The following SYCP2L variants were observed in gnomAD, a reference collection of about 807,000 sequenced individuals.
The protein encoded by SYCP2L is synaptonemal complex protein 2 like.
In SYCP2L, 98 loss-of-function variants were observed where a neutral mutation model predicts 125.8. The ratio of observed to expected loss-of-function variants is 0.78; its 90% CI spans 0.66 to 0.92. SYCP2L has a LOEUF of 0.92. SYCP2L is among the 40% of genes least tolerant of loss of function. The pLI is 0.00. For synonymous variants in SYCP2L, 317 were observed against 325.4 expected (o/e 0.97, Z 0.28); for missense variants, 842 against 936.4 (o/e 0.90, Z 1.32).
At chr6:10,955,961 T>A (rs1316896338) in intron 24 of SYCP2L, among the ~76,000 whole-genome samples, 175 bp from the exon 25 acceptor site, 1 of 152,148 alleles carries the variant, frequency 6.6e-6, no homozygotes, top group Non-Finnish European at 1.5e-5. Flanking sequence ...GCTGGGAAGA[T>A]ATAGAAGAAA....
chr6:10,896,204 G>A (rs936233461), intron 4 of SYCP2L, among the ~76,000 whole-genome samples: 6 of 152,134 alleles, frequency 3.9e-5, no homozygotes, highest in Non-Finnish European at 8.8e-5. Flanking sequence ...TAAAATCCAG[G>A]AGGATTAAGC....
rs138759710 is a variant in SYCP2L at position 10,956,181 on chromosome 6, A to G, written c.2102A>G (p.Asn701Ser). The change falls in exon 25 of 30, where the codon AAC becomes AGC. Residue 701 changes from asparagine (N) to serine (S), a missense_variant. By Grantham distance (46) the Asn-to-Ser change is conservative. Transcript: ENST00000283141. Reference protein sequence around the residue: ...SSLEVVPENLNGSAILPTFEN... With the variant: ...SSLEVVPENLSGSAILPTFEN... ...CTAGAAGTTGTGCCAGAGAACTTGAACGGTTCTGCCATTCTCCCAACCTTT... is the reference window on the plus strand; with the variant it reads ...CTAGAAGTTGTGCCAGAGAACTTGAGCGGTTCTGCCATTCTCCCAACCTTT... 2.8e-3 allele frequency: 4,597 copies of G among 1,613,992 alleles called. 14 individuals carry two copies. Among genetic ancestry groups the G allele is most frequent in the Non-Finnish European group, 3.4e-3 (3,983 of 1,179,970 alleles).
intron 25 of SYCP2L, among the ~76,000 whole-genome samples, chr6:10,957,875 G>A (rs1192134856): frequency 1.3e-5 from 2 of 152,134 alleles, no homozygotes; most frequent in African/African-American, 4.8e-5. Flanking sequence ...TGGGTTGGTG[G>A]CCGGCTGAGT....
intron 16 of SYCP2L, among the ~76,000 whole-genome samples, chr6:10,927,024 G>C (rs557016311): frequency 1.8e-4 from 28 of 152,032 alleles, no homozygotes; most frequent in Admixed American, 2.6e-4. Context: ...CAAGTGATCT[G>C]CCCATTTTGG....
chr6:10,931,038 G>A (rs1213109128), intron 19 of SYCP2L, among the ~76,000 whole-genome samples: 1 of 152,232 alleles, frequency 6.6e-6, no homozygotes, highest in African/African-American at 2.4e-5. Flanking sequence ...GGGCATGGTG[G>A]TGTGCGCCTG....
At position 10,963,803 on chromosome 6, in the gene SYCP2L, A is replaced by T. The variant is rs1382415213; in HGVS notation, c.2436A>T (p.Ser812=). 9 of 1,613,966 alleles carry T rather than the reference A, an allele frequency of 5.6e-6. No homozygotes were observed. The highest frequency in any genetic ancestry group is 6.8e-6 in the Non-Finnish European group (8 of 1,179,862). Residue 812 remains serine, a synonymous_variant, in exon 29 of 30, where the codon TCA becomes TCT. Coordinates refer to ENST00000283141, the MANE Select transcript of SYCP2L (RefSeq NM_001040274.3). The part of the protein sequence containing the change: ...QVLRFNSTQT[S] Reference sequence around the variant, plus strand: ...CCAGGTTCAATTCAACTCAGACTTCATAAGAAAGCCAAAGCCTGGTTTTAT... The same window carrying T: ...CCAGGTTCAATTCAACTCAGACTTCTTAAGAAAGCCAAAGCCTGGTTTTAT...
chr6:10,895,777 C>T (rs9379911), intron 4 of SYCP2L, among the ~76,000 whole-genome samples: 37,633 of 151,898 alleles, frequency 0.25, 5,011 homozygotes, highest in African/African-American at 0.34. Flanking sequence ...CGTGAGCTCC[C>T]GCGCCTGGCC....
intron 14 of SYCP2L, among the ~76,000 whole-genome samples, chr6:10,920,278 C>T (rs541151878): frequency 3.1e-4 from 47 of 152,210 alleles, no homozygotes; most frequent in African/African-American, 9.9e-4. Flanking sequence ...AGTGCAGTGG[C>T]GTGATCTTGG....
At chr6:10,928,712 A>G (rs1780940326) in intron 18 of SYCP2L, among the ~76,000 whole-genome samples, 2 of 152,048 alleles carry the variant, frequency 1.3e-5, no homozygotes, top group Admixed American at 1.3e-4. Flanking sequence ...TTATTTTAAA[A>G]TTTTTTATAG....
intron 5 of SYCP2L, 95 bp downstream of exon 5, chr6:10,898,210 A>G: frequency 1.0e-6 from 1 of 957,818 alleles, no homozygotes; most frequent in Non-Finnish European, 1.6e-6. Flanking sequence ...TATAATATGT[A>G]AGTTTTGTTA....
rs1340074677 is a variant in SYCP2L, at chr6:10,915,983, A to G, written c.1072+3056A>G. Among the ~76,000 whole-genome samples, 3 of 152,192 alleles carry G rather than the reference A, an allele frequency of 2.0e-5. No individual in the cohort carries two copies. In the East Asian group the frequency reaches 5.8e-4, roughly 29 times the overall value. ...TTGGTGTTGGTAATTTTTAAATTAC[A>G]ATTTCAATCTCACTGCTTGTTATTG... On this transcript the variant is annotated intron_variant, in intron 14 of 29. Transcript: ENST00000283141.
chr6:10,964,815 C>T (rs1781653118), intron 29 of SYCP2L, among the ~76,000 whole-genome samples: 2 of 152,262 alleles, frequency 1.3e-5, no homozygotes, highest in East Asian at 3.9e-4. Flanking sequence ...CAGCTTAAGA[C>T]ACTTCAAGGT....
At position 10,942,760 on chromosome 6, in the gene SYCP2L, A is replaced by AT; in HGVS notation, c.1954+14_1954+15insT. On this transcript the variant is annotated intron_variant, in intron 23 of 29. Coordinates refer to ENST00000283141, the MANE Select transcript of SYCP2L (RefSeq NM_001040274.3). ...TGGAAGACAAAGGTAAGAGAATAGT[A>AT]CTTTTTTTTTTTTTTTTGCAGAATA... The AT allele has an allele frequency of 1.3e-6, 2 of 1,498,600 alleles. No individual in the cohort carries two copies. The highest frequency in any genetic ancestry group is 1.7e-5 in the African/African-American group (1 of 58,062). 92.8% of individuals were successfully genotyped at this position (1,498,600 alleles called of 1,614,324 possible).
Position 10,926,390 on chromosome 6 carries a change from A to G in SYCP2L, c.1270A>G (p.Lys424Glu), listed in dbSNP as rs753933817. 2.3e-5 allele frequency: 37 copies of G among 1,613,854 alleles called. No individual in the cohort carries two copies. In the Admixed American group the frequency reaches 6.0e-4, roughly 26 times the overall value. ...ISSELFSKSD[K>E]EDRESPSGLE... Reference sequence around the variant, plus strand: ...CTCAGAACTTTTTAGTAAGTCTGATAAAGAAGACAGGGAGAGTCCCAGTGG... The same window carrying G: ...CTCAGAACTTTTTAGTAAGTCTGATGAAGAAGACAGGGAGAGTCCCAGTGG... Residue 424 changes from lysine (K) to glutamate (E), a missense_variant, in exon 16 of 30, where the codon AAA (lysine) becomes GAA (glutamate). Transcript: ENST00000283141.
chr6:10,896,552 G>T (rs902383727), intron 4 of SYCP2L, among the ~76,000 whole-genome samples: 9 of 152,198 alleles, frequency 5.9e-5, no homozygotes, highest in African/African-American at 2.2e-4. Flanking sequence ...AGCCTTAGCA[G>T]TGAGTTCTGC....
At chr6:10,925,341 C>A (rs1363320776) in intron 15 of SYCP2L, among the ~76,000 whole-genome samples, 21 of 152,188 alleles carry the variant, frequency 1.4e-4, no homozygotes, top group Admixed American at 1.2e-3. Context: ...CACAGCCAGA[C>A]TGTATCAGGG....
Position 10,931,453 on chromosome 6 carries a change from C to T in SYCP2L, c.1647C>T (p.Phe549=). The change falls in exon 20 of 30, where the codon TTC becomes TTT. Residue 549 remains phenylalanine (F), a synonymous_variant. Coordinates refer to ENST00000283141, the MANE Select transcript of SYCP2L (RefSeq NM_001040274.3). ...CTTTCAATTTAGTCTTGCCAGTTTT[C>T]CCTCCCAGTAGTGGCAGTGGCCATG... ...TRSNLRILPV[F]PPSSGSGHEK... 6.2e-7 allele frequency: 1 copy of T among 1,614,088 alleles called. No individual in the cohort carries two copies. Among genetic ancestry groups the T allele is most frequent in the South Asian group, 1.1e-5 (1 of 91,068 alleles).
In SYCP2L at chr6:10,924,580, A is replaced by G; in HGVS notation, c.1157A>G (p.His386Arg). Residue 386 changes from histidine to arginine, a missense_variant, in exon 15 of 30, where the codon CAT (histidine) becomes CGT (arginine). Transcript: ENST00000283141. ...SYKEVMKIEI[H>R]FDLQFNISQV... ...AAAGAAGTCATGAAAATAGAAATCC[A>G]TTTTGATTTGCAGTTCAACATATCA... The G allele has an allele frequency of 6.2e-7, 1 of 1,606,644 alleles. No individual in the cohort carries two copies. The highest frequency in any genetic ancestry group is 8.5e-7 in the Non-Finnish European group (1 of 1,178,156).
intron 1 of SYCP2L, among the ~76,000 whole-genome samples, chr6:10,889,616 C>CTTTTTTTTTTTTT (rs34273350): frequency 9.9e-6 from 1 of 101,412 alleles, no homozygotes. Context: ...TGAGATCAGC[C>CTTTTTTTTTTTTT]TTTTTTTTTT....
Sources: allele counts gnomAD v4.1 joint callset (sites outside exome capture counted in the v4.1 genomes callset), GRCh38; gene constraint gnomAD v4.1.1; transcripts MANE v1.5; gene names NCBI Gene and HGNC (gene_info 2026-07-23, HGNC 2026-07-21).